ALDH1A2: variants seen among roughly 807,000 people sequenced by gnomAD.
ALDH1A2 encodes retinal dehydrogenase 2.
ALDH1A2 carries 27 observed loss-of-function variants against 60.3 expected under a neutral mutation model. The observed-to-expected ratio is 0.45, with a 90% confidence interval of 0.33 to 0.62. The LOEUF is 0.62. ALDH1A2 is among the 20% of genes least tolerant of loss of function. ALDH1A2 has a pLI of 0.02. For synonymous variants in ALDH1A2, 289 were observed against 232.4 expected, an observed-to-expected ratio of 1.24 and a Z score of -2.21; for missense variants, 581 against 643.8, an observed-to-expected ratio of 0.90 and a Z score of 1.06.
At chr15:57,964,401 G>A (rs1262687333) in intron 8 of ALDH1A2, 1 of 251,908 alleles carries the variant, frequency 4.0e-6, no homozygotes. Flanking sequence ...GCAATGTAAT[G>A]GAGGGGCTAA....
chr15:58,031,688 T>C (rs1460228193), intron 1 of ALDH1A2, among the ~76,000 whole-genome samples: 1 of 151,990 alleles, frequency 6.6e-6, no homozygotes, highest in Non-Finnish European at 1.5e-5. Flanking sequence ...CAACAAAAAG[T>C]GGGCAAAGAA....
At chr15:57,978,678 G>A (rs770467399) in intron 7 of ALDH1A2, among the ~76,000 whole-genome samples, 9 of 152,174 alleles carry the variant, frequency 5.9e-5, no homozygotes, top group Non-Finnish European at 1.3e-4. Flanking sequence ...GGGGCATGTG[G>A]CCGGGGGAGA....
intron 12 of ALDH1A2, among the ~76,000 whole-genome samples, chr15:57,956,888 G>GGAA (rs1893545757): frequency 6.6e-6 from 1 of 152,198 alleles, no homozygotes; most frequent in Non-Finnish European, 1.5e-5. Context: ...AGAAATGTAA[G>GGAA]GAAGTCTACA....
intron 1 of ALDH1A2, among the ~76,000 whole-genome samples, chr15:58,021,441 G>T (rs1304536536): frequency 1.3e-5 from 2 of 152,162 alleles, no homozygotes; most frequent in African/African-American, 4.8e-5. Context: ...TTCCCAAAGT[G>T]GGAAATGGGT....
At chr15:57,956,280 A>ATATC (rs1893524246) in intron 12 of ALDH1A2, among the ~76,000 whole-genome samples, 1 of 152,258 alleles carries the variant, frequency 6.6e-6, no homozygotes, top group Admixed American at 6.5e-5. Context: ...CCCTGTTGTC[A>ATATC]TATCTTCTAG....
At chr15:57,976,688 A>G (rs1386150966) in intron 7 of ALDH1A2, among the ~76,000 whole-genome samples, 2 of 152,168 alleles carry the variant, frequency 1.3e-5, no homozygotes, top group African/African-American at 4.8e-5. Flanking sequence ...GGTTGGTTCC[A>G]AGTCCTTGCT....
intron 7 of ALDH1A2, chr15:57,979,682 G>A (rs1395719164): frequency 4.4e-6 from 1 of 227,412 alleles, no homozygotes; most frequent in Non-Finnish European, 9.6e-6. Context: ...ACCCAGAAAG[G>A]GAGATAATGT....
At chr15:57,964,315 T>C in intron 8 of ALDH1A2, 1 of 511,144 alleles carries the variant, frequency 2.0e-6, no homozygotes. Flanking sequence ...ACCTCGTGTA[T>C]AACAGGAGTC....
chr15:57,982,241 G>T (rs1297478640), intron 7 of ALDH1A2, among the ~76,000 whole-genome samples: 2 of 152,128 alleles, frequency 1.3e-5, no homozygotes, highest in Non-Finnish European at 2.9e-5. Flanking sequence ...CTACAGCTGG[G>T]ATATCTGAGG....
chr15:58,026,569 C>A (rs574714891), intron 1 of ALDH1A2, among the ~76,000 whole-genome samples: 1 of 152,170 alleles, frequency 6.6e-6, no homozygotes, highest in African/African-American at 2.4e-5. Flanking sequence ...TGGGACATCA[C>A]CTCACCCAGG....
intron 7 of ALDH1A2, among the ~76,000 whole-genome samples, chr15:57,986,893 G>C (rs796209977): frequency 6.6e-5 from 10 of 152,200 alleles, no homozygotes; most frequent in Non-Finnish European, 8.8e-5. Flanking sequence ...GACCTCAGGT[G>C]ATCCACCTGC....
At chr15:58,019,690 A>T (rs1265517153) in intron 1 of ALDH1A2, among the ~76,000 whole-genome samples, 2 of 152,208 alleles carry the variant, frequency 1.3e-5, no homozygotes, top group African/African-American at 4.8e-5. Flanking sequence ...GTTGTGAAGG[A>T]CTAACTGTCC....
At chr15:58,038,894 T>C (rs1341464411) in intron 1 of ALDH1A2, among the ~76,000 whole-genome samples, 1 of 151,794 alleles carries the variant, frequency 6.6e-6, no homozygotes, top group East Asian at 1.9e-4. Context: ...ACATATAAAG[T>C]GCCTCATCCA....
intron 12 of ALDH1A2, among the ~76,000 whole-genome samples, chr15:57,955,823 C>T (rs1297314119): frequency 2.0e-5 from 3 of 152,188 alleles, no homozygotes; most frequent in Admixed American, 6.5e-5. Flanking sequence ...TACTACAGTG[C>T]TCCTTCTCCT....
chr15:58,051,742 G>A (rs1157328089), intron 1 of ALDH1A2, among the ~76,000 whole-genome samples: 1 of 152,136 alleles, frequency 6.6e-6, no homozygotes, highest in Non-Finnish European at 1.5e-5. Context: ...TCAGCAAGAT[G>A]TGGTTTTGAT....
intron 7 of ALDH1A2, among the ~76,000 whole-genome samples, chr15:57,986,673 TATA>T (rs1159794314): frequency 9.9e-5 from 15 of 151,664 alleles, no homozygotes; most frequent in African/African-American, 3.6e-4. Context: ...ATTTCATTAT[TATA>T]TTATTATTAT....
At chr15:57,965,643 G>A (rs1176917728) in intron 8 of ALDH1A2, 82 bp downstream of exon 8, 2 of 1,006,526 alleles carry the variant, frequency 2.0e-6, no homozygotes, top group Non-Finnish European at 3.2e-6. Flanking sequence ...TCTTTTGCTA[G>A]TGTCCCATCA....
At chr15:58,024,070 G>A (rs1477586997) in intron 1 of ALDH1A2, among the ~76,000 whole-genome samples, 1 of 152,088 alleles carries the variant, frequency 6.6e-6, no homozygotes, top group African/African-American at 2.4e-5. Context: ...TCCAGCCTGG[G>A]CAACAAAAGC....
intron 5 of ALDH1A2, among the ~76,000 whole-genome samples, chr15:57,994,728 T>C (rs529931382): frequency 6.6e-6 from 1 of 152,108 alleles, no homozygotes; most frequent in Non-Finnish European, 1.5e-5. Context: ...CCTGGAAGGA[T>C]GGTGAGTCAC....
Sources: allele counts gnomAD v4.1 joint callset (sites outside exome capture counted in the v4.1 genomes callset), GRCh38; gene constraint gnomAD v4.1.1; transcripts MANE v1.5; gene names NCBI Gene and HGNC (gene_info 2026-07-23, HGNC 2026-07-21).